XKR6: variants seen among roughly 807,000 people sequenced by gnomAD.
XKR6 encodes the protein XK related 6.
A neutral mutation model predicts 56.7 loss-of-function variants in XKR6; 22 were observed. The ratio of observed to expected loss-of-function variants is 0.39; its 90% confidence interval spans 0.28 to 0.55. The LOEUF (loss-of-function observed/expected upper bound fraction) is 0.55, where lower values mean the gene tolerates loss of function less well. Ranked by LOEUF, XKR6 falls within the 20% of genes least tolerant of loss-of-function variation. The probability of loss-of-function intolerance (pLI) is 0.66; values close to 1 mark genes in which losing one functional copy is unlikely to be tolerated. For missense variants in XKR6, 852 were observed against 889.0 expected (o/e 0.96, Z 0.53); for synonymous variants, 524 against 387.8 (o/e 1.35, Z -4.13).
intron 1 of XKR6, among the ~76,000 whole-genome samples, chr8:11,182,256 G>A (rs993963699): frequency 6.6e-6 from 1 of 152,180 alleles, no homozygotes; most frequent in African/African-American, 2.4e-5. Context: ...AGGTGACGTC[G>A]TAGGATGGGG....
intron 1 of XKR6, among the ~76,000 whole-genome samples, chr8:11,173,975 G>C (rs1415049488): frequency 1.3e-5 from 2 of 152,218 alleles, no homozygotes; most frequent in African/African-American, 4.8e-5. Flanking sequence ...GGGATGAGGG[G>C]AGTACTTTCA....
chr8:10,975,195 C>A (rs1232846854), intron 1 of XKR6, among the ~76,000 whole-genome samples: 1 of 152,186 alleles, frequency 6.6e-6, no homozygotes, highest in Non-Finnish European at 1.5e-5. Context: ...CTGAGAGGAA[C>A]TAGCACCCTC....
intron 1 of XKR6, among the ~76,000 whole-genome samples, chr8:11,073,081 A>G (rs930889749): frequency 2.6e-5 from 4 of 152,286 alleles, no homozygotes; most frequent in Admixed American, 2.0e-4. Flanking sequence ...CCCACATGCT[A>G]AAGGACCCTG....
chr8:11,166,357 T>C (rs915151333), intron 1 of XKR6, among the ~76,000 whole-genome samples: 2 of 152,122 alleles, frequency 1.3e-5, no homozygotes, highest in African/African-American at 2.4e-5. Flanking sequence ...TCACAAGGCA[T>C]CTGCTATGGT....
intron 1 of XKR6, among the ~76,000 whole-genome samples, chr8:11,114,988 G>C (rs772898422): frequency 1.3e-4 from 20 of 152,292 alleles, no homozygotes; most frequent in Admixed American, 5.2e-4. Flanking sequence ...TGGTATGACA[G>C]AACGAGTTCT....
chr8:10,934,847 G>T (rs933497922), intron 1 of XKR6, among the ~76,000 whole-genome samples: 23 of 149,248 alleles, frequency 1.5e-4, no homozygotes, highest in African/African-American at 5.3e-4. Flanking sequence ...CAGGGATATT[G>T]GTCTAAAATT....
intron 1 of XKR6, among the ~76,000 whole-genome samples, chr8:10,942,299 C>T (rs138516901): frequency 6.6e-6 from 1 of 152,248 alleles, no homozygotes; most frequent in African/African-American, 2.4e-5. Context: ...ACAGAGCACA[C>T]ACGCATGCAA....
chr8:10,957,817 G>A (rs746248985), intron 1 of XKR6, among the ~76,000 whole-genome samples: 2 of 152,086 alleles, frequency 1.3e-5, no homozygotes, highest in African/African-American at 2.4e-5. Context: ...CACAGATCAT[G>A]TTGGTTTGGG....
intron 1 of XKR6, among the ~76,000 whole-genome samples, chr8:11,045,716 T>C (rs1799395827): frequency 6.6e-6 from 1 of 151,730 alleles, no homozygotes; most frequent in African/African-American, 2.4e-5. Flanking sequence ...GTCTTTCTCC[T>C]GTTCCTATCT....
At chr8:11,174,758 G>A (rs935552973) in intron 1 of XKR6, among the ~76,000 whole-genome samples, 2 of 151,994 alleles carry the variant, frequency 1.3e-5, no homozygotes, top group Non-Finnish European at 2.9e-5. Flanking sequence ...GCTCTCACCT[G>A]GAGTCTCGGG....
intron 1 of XKR6, among the ~76,000 whole-genome samples, chr8:11,149,657 T>C (rs1317049474): frequency 2.0e-5 from 3 of 151,564 alleles, no homozygotes; most frequent in Non-Finnish European, 4.4e-5. Flanking sequence ...GAATGTCAAT[T>C]AGTACAGCCA....
intron 1 of XKR6, among the ~76,000 whole-genome samples, chr8:11,052,421 G>T (rs953126699): frequency 1.3e-5 from 2 of 152,170 alleles, no homozygotes; most frequent in Non-Finnish European, 2.9e-5. Flanking sequence ...ATGCAAACTC[G>T]AAGATAGGAA....
At chr8:11,061,270 G>A (rs1799826766) in intron 1 of XKR6, among the ~76,000 whole-genome samples, 2 of 152,150 alleles carry the variant, frequency 1.3e-5, no homozygotes, top group African/African-American at 4.8e-5. Flanking sequence ...TTTGAGCCCA[G>A]CCTGGGCAAC....
At chr8:11,188,631 T>C (rs1178411920) in intron 1 of XKR6, among the ~76,000 whole-genome samples, 1 of 152,232 alleles carries the variant, frequency 6.6e-6, no homozygotes, top group African/African-American at 2.4e-5. Flanking sequence ...CAAAGTGGCA[T>C]CTTTTAAATG....
intron 1 of XKR6, among the ~76,000 whole-genome samples, chr8:11,150,855 A>AAAG (rs1030470989): frequency 2.1e-5 from 2 of 97,414 alleles, no homozygotes; most frequent in African/African-American, 5.5e-5. Context: ...TCCATCTCAA[A>AAAG]AAAAAAAAAA....
intron 1 of XKR6, among the ~76,000 whole-genome samples, chr8:11,191,641 C>T (rs745307980): frequency 2.1e-5 from 3 of 144,084 alleles, no homozygotes; most frequent in Non-Finnish European, 4.5e-5. Flanking sequence ...ACTCAGGAAA[C>T]GCAAAATATG....
chr8:11,000,076 T>C (rs1017670560), intron 1 of XKR6, among the ~76,000 whole-genome samples: 1 of 152,092 alleles, frequency 6.6e-6, no homozygotes, highest in African/African-American at 2.4e-5. Flanking sequence ...GCCAACACAC[T>C]CATGTTAAAG....
intron 1 of XKR6, chr8:11,035,063 C>T (rs1280146723): frequency 2.5e-6 from 1 of 408,000 alleles, no homozygotes; most frequent in Non-Finnish European, 5.1e-6. Flanking sequence ...GTTACTGATT[C>T]TTTCTGAGCT....
At chr8:10,998,403 T>C (rs1798164464) in intron 1 of XKR6, among the ~76,000 whole-genome samples, 1 of 152,230 alleles carries the variant, frequency 6.6e-6, no homozygotes, top group Non-Finnish European at 1.5e-5. Context: ...ATAACGAGTC[T>C]GCGTTTAAAA....
Sources: allele counts gnomAD v4.1 joint callset (sites outside exome capture counted in the v4.1 genomes callset), GRCh38; gene constraint gnomAD v4.1.1; transcripts MANE v1.5; gene names NCBI Gene and HGNC (gene_info 2026-07-23, HGNC 2026-07-21).